The following FYN variants were observed in gnomAD, a reference collection of about 807,000 sequenced individuals.
The protein encoded by FYN is tyrosine-protein kinase Fyn.
Under a neutral mutation model 70.2 loss-of-function variants are expected in FYN, and 10 were observed. The observed-to-expected ratio is 0.14, with a 90% confidence interval of 0.09 to 0.24. The LOEUF (loss-of-function observed/expected upper bound fraction) is 0.24, where lower values mean the gene tolerates loss of function less well. FYN is among the 10% of genes least tolerant of loss of function. The pLI is 1.00. For synonymous variants in FYN, 236 were observed against 248.6 expected (o/e 0.95, Z 0.48); for missense variants, 319 against 673.1 (o/e 0.47, Z 5.82).
At chr6:111,787,162 T>C (rs1343337002) in intron 2 of FYN, among the ~76,000 whole-genome samples, 2 of 152,230 alleles carry the variant, frequency 1.3e-5, no homozygotes. Context: ...CTGAATGGTA[T>C]TGCCTAGGTT....
At chr6:111,841,837 A>G (rs868788800) in intron 2 of FYN, among the ~76,000 whole-genome samples, 6 of 151,172 alleles carry the variant, frequency 4.0e-5, no homozygotes, top group African/African-American at 2.4e-5. Context: ...TTCTTCTTAG[A>G]CAGCACCGCT....
At chr6:111,866,931 T>C (rs1386862833) in intron 1 of FYN, among the ~76,000 whole-genome samples, 1 of 152,208 alleles carries the variant, frequency 6.6e-6, no homozygotes, top group Non-Finnish European at 1.5e-5. Context: ...CTGATGCTGC[T>C]TTGGGCAGGT....
chr6:111,740,891 T>C (rs1277590499), intron 3 of FYN: 1 of 152,182 alleles, frequency 6.6e-6, no homozygotes, highest in Non-Finnish European at 1.5e-5. Context: ...GGTAGATCAT[T>C]TGAGCCCAGA....
chr6:111,822,149 T>A (rs1215202589), intron 2 of FYN, among the ~76,000 whole-genome samples: 1 of 152,232 alleles, frequency 6.6e-6, no homozygotes, highest in Non-Finnish European at 1.5e-5. Context: ...CAAAGGATTA[T>A]AAATCATGCT....
intron 2 of FYN, among the ~76,000 whole-genome samples, chr6:111,816,733 C>T (rs1360990273): frequency 6.6e-6 from 1 of 152,164 alleles, no homozygotes; most frequent in African/African-American, 2.4e-5. Flanking sequence ...AATGTTTAGG[C>T]AATAAATACA....
At chr6:111,723,914 C>T (rs1256607075) in intron 3 of FYN, among the ~76,000 whole-genome samples, 1 of 152,124 alleles carries the variant, frequency 6.6e-6, no homozygotes, top group East Asian at 1.9e-4. Context: ...CAGGAAAATA[C>T]CACATGCCAT....
At chr6:111,729,771 A>G (rs191322770) in intron 3 of FYN, among the ~76,000 whole-genome samples, 17 of 152,320 alleles carry the variant, frequency 1.1e-4, no homozygotes, top group Non-Finnish European at 2.1e-4. Context: ...CTATATAACA[A>G]ATGCCTAGAA....
chr6:111,797,961 T>C (rs1396039104), intron 2 of FYN, among the ~76,000 whole-genome samples: 1 of 151,666 alleles, frequency 6.6e-6, no homozygotes, highest in African/African-American at 2.4e-5. Context: ...CGGCGTTTCA[T>C]CATGTTGGCC....
chr6:111,834,561 T>C (rs1406762348), intron 2 of FYN, among the ~76,000 whole-genome samples: 3 of 152,140 alleles, frequency 2.0e-5, no homozygotes, highest in Admixed American at 2.0e-4. Context: ...CCTGCGTTTA[T>C]CCAGGCTACT....
At chr6:111,860,373 T>G (rs1372543079) in intron 1 of FYN, among the ~76,000 whole-genome samples, 2 of 151,970 alleles carry the variant, frequency 1.3e-5, no homozygotes, top group Non-Finnish European at 2.9e-5. Context: ...ACCCCATGGG[T>G]GTTTTGGTGG....
intron 3 of FYN, among the ~76,000 whole-genome samples, chr6:111,721,964 G>T (rs533859174): frequency 2.0e-5 from 3 of 152,200 alleles, no homozygotes; most frequent in African/African-American, 7.2e-5. Flanking sequence ...CACTGGGGAG[G>T]GCACAGCTGG....
At chr6:111,806,992 G>A (rs899806912) in intron 2 of FYN, among the ~76,000 whole-genome samples, 10 of 152,084 alleles carry the variant, frequency 6.6e-5, no homozygotes, top group Non-Finnish European at 1.2e-4. Context: ...TCCTCCACAC[G>A]CTATTTGTTT....
intron 12 of FYN, among the ~76,000 whole-genome samples, chr6:111,686,999 T>A (rs1433287688): frequency 6.6e-6 from 1 of 152,366 alleles, no homozygotes; most frequent in Middle Eastern, 3.4e-3. Flanking sequence ...CTGAGTGTGT[T>A]TGTCAACCTA....
chr6:111,664,900 G>A (rs2128399329), intron 13 of FYN, among the ~76,000 whole-genome samples: 1 of 152,338 alleles, frequency 6.6e-6, no homozygotes, highest in South Asian at 2.1e-4. Flanking sequence ...ATGACAATTG[G>A]AATGGGACTA....
chr6:111,801,870 C>A (rs1771996604), intron 2 of FYN, among the ~76,000 whole-genome samples: 1 of 152,200 alleles, frequency 6.6e-6, no homozygotes, highest in South Asian at 2.1e-4. Flanking sequence ...TGGCTTAAAT[C>A]TGTTAGGCAC....
At chr6:111,736,307 T>C (rs1473304450) in intron 3 of FYN, among the ~76,000 whole-genome samples, 1 of 152,134 alleles carries the variant, frequency 6.6e-6, no homozygotes, top group Admixed American at 6.5e-5. Flanking sequence ...AAATATAATA[T>C]TAACACATTC....
At chr6:111,821,789 A>G (rs1234335163) in intron 2 of FYN, among the ~76,000 whole-genome samples, 1 of 151,544 alleles carries the variant, frequency 6.6e-6, no homozygotes, top group East Asian at 1.9e-4. Context: ...AATTTACAAG[A>G]AAAAAAAACC....
intron 3 of FYN, among the ~76,000 whole-genome samples, chr6:111,746,879 C>G (rs779721850): frequency 6.6e-6 from 1 of 150,416 alleles, no homozygotes; most frequent in African/African-American, 2.4e-5. Flanking sequence ...GAATGAGAGA[C>G]AGAGAGAGAG....
At chr6:111,707,560 CTCT>C (rs35349534) in intron 6 of FYN, among the ~76,000 whole-genome samples, 18,830 of 152,184 alleles carry the variant, frequency 0.12, 2,320 homozygotes, top group African/African-American at 0.31. Context: ...ACTCTCCCCT[CTCT>C]TCCCAACAGA....
Sources: gnomAD v4.1 joint callset for allele counts (sites outside exome capture counted in the v4.1 genomes callset) on GRCh38, gnomAD v4.1.1 for gene constraint, MANE v1.5 for transcripts, NCBI Gene and HGNC (gene_info 2026-07-23, HGNC 2026-07-21) for gene names.